The following TRIM33 variants were observed in gnomAD, a reference collection of about 807,000 sequenced individuals.
The protein encoded by TRIM33 is tripartite motif containing 33, also known as E3 ubiquitin-protein ligase TRIM33.
A neutral mutation model predicts 125.4 loss-of-function variants in TRIM33; 20 were observed. That is an observed-to-expected ratio of 0.16 (90% CI 0.11 to 0.23). The LOEUF is 0.23. TRIM33 is among the 10% of genes least tolerant of loss of function. TRIM33 has a pLI of 1.00. For synonymous variants in TRIM33, 564 were observed against 513.9 expected (o/e 1.10, Z -1.32); for missense variants, 920 against 1,411.4 (o/e 0.65, Z 5.58).
chr1:114,462,124 C>G (rs1195711446), intron 4 of TRIM33, among the ~76,000 whole-genome samples: 1 of 152,086 alleles, frequency 6.6e-6, no homozygotes, highest in Non-Finnish European at 1.5e-5. Context: ...TGTGAGTAGG[C>G]TCTCTTACAC....
At chr1:114,462,388 G>A (rs1650052438) in intron 4 of TRIM33, among the ~76,000 whole-genome samples, 1 of 151,966 alleles carries the variant, frequency 6.6e-6, no homozygotes, top group Admixed American at 6.6e-5. Flanking sequence ...ATACATTTTT[G>A]GCAATAGATT....
chr1:114,422,419 G>T (rs889052902), intron 10 of TRIM33, among the ~76,000 whole-genome samples: 1 of 151,904 alleles, frequency 6.6e-6, no homozygotes, highest in Non-Finnish European at 1.5e-5. Context: ...ATGAACTAAG[G>T]GGTACATGAT....
At chr1:114,446,552 G>A (rs1435246730) in intron 4 of TRIM33, among the ~76,000 whole-genome samples, 1 of 151,848 alleles carries the variant, frequency 6.6e-6, no homozygotes, top group Admixed American at 6.6e-5. Flanking sequence ...CACAGCAATC[G>A]CTAAAAATAA....
chr1:114,479,025 G>C (rs979256845), intron 1 of TRIM33, among the ~76,000 whole-genome samples: 1 of 152,068 alleles, frequency 6.6e-6, no homozygotes, highest in African/African-American at 2.4e-5. Context: ...CTCCAGCCTG[G>C]GCAACAAGAG....
At chr1:114,462,764 C>G (rs527487572) in intron 4 of TRIM33, among the ~76,000 whole-genome samples, 2 of 152,106 alleles carry the variant, frequency 1.3e-5, no homozygotes, top group African/African-American at 4.8e-5. Context: ...TAAAAGAATA[C>G]TGCTTTTGTA....
intron 12 of TRIM33, 109 bp from the exon 13 acceptor site, chr1:114,408,849 G>A (rs1028054197): frequency 5.4e-6 from 4 of 739,022 alleles, no homozygotes; most frequent in Middle Eastern, 4.2e-4. Context: ...AAAATTATTG[G>A]AAATCAGACC....
At chr1:114,449,253 T>C (rs1027651273) in intron 4 of TRIM33, among the ~76,000 whole-genome samples, 17 of 151,332 alleles carry the variant, frequency 1.1e-4, no homozygotes, top group Admixed American at 2.6e-4. Context: ...GTCACGACAG[T>C]TGCAAGAGAA....
At chr1:114,468,848 G>C in intron 1 of TRIM33, 1 of 268,724 alleles carries the variant, frequency 3.7e-6, no homozygotes, top group Non-Finnish European at 7.4e-6. Context: ...AGCTACTGAA[G>C]CGAGTGTGCA....
chr1:114,470,220 T>C (rs1650554624), intron 1 of TRIM33, among the ~76,000 whole-genome samples: 1 of 152,240 alleles, frequency 6.6e-6, no homozygotes, highest in Non-Finnish European at 1.5e-5. Context: ...TCACAGATGC[T>C]GAGCTTTTAT....
rs113104023 is a variant in TRIM33 at position 114,396,276 on chromosome 1, G to T, written c.*1372C>A. On this transcript the variant is annotated 3_prime_UTR_variant, in exon 20 of 20. Transcript: ENST00000358465. The stretch of plus-strand genomic sequence containing the variant: ...AGCCAAGTTGGTTTATCGGCCTCGG[G>T]TGCTGTAATTGGGGTGGTAAAGGTG... 4.7e-3 allele frequency: 958 copies of T among 204,526 alleles called. 4 individuals are homozygous for T. The highest frequency in any genetic ancestry group is 0.013 in the Middle Eastern group (8 of 604). The allele number at this position is 204,526 out of a possible 1,614,324, so 12.7% of individuals were successfully genotyped here.
At chr1:114,431,039 A>G (rs1647920128) in intron 5 of TRIM33, 127 bp from the exon 6 acceptor site, 6 of 638,838 alleles carry the variant, frequency 9.4e-6, no homozygotes, top group Non-Finnish European at 1.4e-5. Flanking sequence ...GTCAAAATGT[A>G]CAACTCATGT....
chr1:114,474,370 C>A (rs1650842714), intron 1 of TRIM33, among the ~76,000 whole-genome samples: 2 of 148,764 alleles, frequency 1.3e-5, no homozygotes, highest in Admixed American at 1.3e-4. Context: ...GAGTTCAAAG[C>A]CAGCCTGGGT....
intron 4 of TRIM33, 113 bp downstream of exon 4, chr1:114,462,989 TAC>T: frequency 1.3e-6 from 1 of 784,600 alleles, no homozygotes; most frequent in Non-Finnish European, 1.8e-6. Context: ...ATATGTAAAA[TAC>T]AGATTTAAAA....
At chr1:114,446,365 T>TA (rs1648977624) in intron 4 of TRIM33, among the ~76,000 whole-genome samples, 1 of 152,152 alleles carries the variant, frequency 6.6e-6, no homozygotes, top group Non-Finnish European at 1.5e-5. Context: ...ATAACTTCCT[T>TA]AAAAGACAGC....
chr1:114,507,132 T>C (rs1319930128), intron 1 of TRIM33, among the ~76,000 whole-genome samples: 1 of 152,256 alleles, frequency 6.6e-6, no homozygotes, highest in African/African-American at 2.4e-5. Context: ...GAGAGCGACC[T>C]GGAGGACTAC....
chr1:114,471,582 T>C (rs917641319), intron 1 of TRIM33, among the ~76,000 whole-genome samples: 6 of 151,632 alleles, frequency 4.0e-5, no homozygotes, highest in South Asian at 2.1e-4. Context: ...GACATACCTA[T>C]TGAAAAAGAA....
At chr1:114,507,222 C>G (rs978837238) in intron 1 of TRIM33, among the ~76,000 whole-genome samples, 1 of 152,302 alleles carries the variant, frequency 6.6e-6, no homozygotes, top group East Asian at 1.9e-4. Flanking sequence ...CAAACTTAAG[C>G]GTGAATCAGA....
chr1:114,479,991 T>A (rs1651212230), intron 1 of TRIM33, among the ~76,000 whole-genome samples: 1 of 152,096 alleles, frequency 6.6e-6, no homozygotes, highest in African/African-American at 2.4e-5. Flanking sequence ...ACCCAACAGC[T>A]CATTGAGAAC....
intron 1 of TRIM33, among the ~76,000 whole-genome samples, chr1:114,474,496 C>T (rs1411562666): frequency 6.7e-6 from 1 of 150,204 alleles, no homozygotes; most frequent in Non-Finnish European, 1.5e-5. Context: ...ACTGCTTGAG[C>T]CCAGGAGTTC....
Sources: allele counts gnomAD v4.1 joint callset (sites outside exome capture counted in the v4.1 genomes callset), GRCh38; gene constraint gnomAD v4.1.1; transcripts MANE v1.5; gene names NCBI Gene and HGNC (gene_info 2026-07-23, HGNC 2026-07-21).